FCHSD2: variants seen among roughly 807,000 people sequenced by gnomAD.
FCHSD2 encodes the protein F-BAR and double SH3 domains protein 2.
Under a neutral mutation model 108.1 loss-of-function variants are expected in FCHSD2, and 38 were observed. The ratio of observed to expected loss-of-function variants is 0.35; its 90% CI spans 0.27 to 0.46. FCHSD2 has a LOEUF of 0.46. Among genes scored for constraint, FCHSD2 ranks in the 20% least tolerant of loss-of-function variants. The probability of loss-of-function intolerance (pLI) is 1.00; values close to 1 mark genes in which losing one functional copy is unlikely to be tolerated. For synonymous variants in FCHSD2, 279 were observed against 314.7 expected, an observed-to-expected ratio of 0.89 and a Z score of 1.20; for missense variants, 751 against 897.8, an observed-to-expected ratio of 0.84 and a Z score of 2.09.
At chr11:73,003,154 C>G (rs1375403628) in intron 4 of FCHSD2, among the ~76,000 whole-genome samples, 1 of 152,154 alleles carries the variant, frequency 6.6e-6, no homozygotes, top group Non-Finnish European at 1.5e-5. Context: ...ATGAAAAGCA[C>G]AGAATTCAGT....
intron 8 of FCHSD2, among the ~76,000 whole-genome samples, chr11:72,960,766 G>A (rs1013245141): frequency 2.0e-5 from 3 of 152,028 alleles, no homozygotes; most frequent in African/African-American, 7.2e-5. Context: ...CAAGGGACAG[G>A]GCATAATAAA....
At chr11:72,863,065 G>A (rs1854636229) in intron 13 of FCHSD2, among the ~76,000 whole-genome samples, 1 of 152,020 alleles carries the variant, frequency 6.6e-6, no homozygotes, top group African/African-American at 2.4e-5. Context: ...TAGGACCGCA[G>A]GAATGTACCA....
intron 2 of FCHSD2, among the ~76,000 whole-genome samples, chr11:73,128,720 T>C (rs1279556549): frequency 1.3e-5 from 2 of 152,198 alleles, no homozygotes; most frequent in Non-Finnish European, 1.5e-5. Flanking sequence ...GGAGAATCAT[T>C]ACCAACATAC....
intron 2 of FCHSD2, among the ~76,000 whole-genome samples, chr11:73,132,411 A>G (rs1308807658): frequency 2.0e-5 from 3 of 152,234 alleles, no homozygotes; most frequent in African/African-American, 7.2e-5. Context: ...CAGAAAAGCT[A>G]AGCCACTTGT....
chr11:73,039,954 C>A (rs938248309), intron 3 of FCHSD2, among the ~76,000 whole-genome samples: 4 of 151,912 alleles, frequency 2.6e-5, no homozygotes, highest in African/African-American at 9.7e-5. Flanking sequence ...TAAAACTATA[C>A]CAAAGATGAT....
intron 12 of FCHSD2, among the ~76,000 whole-genome samples, chr11:72,883,971 T>A (rs1486918467): frequency 6.6e-6 from 1 of 150,756 alleles, no homozygotes; most frequent in African/African-American, 2.4e-5. Context: ...GAGGTCATAA[T>A]AATACCCAAG....
At chr11:72,900,312 T>C (rs1474955476) in intron 10 of FCHSD2, 5 of 1,550,186 alleles carry the variant, frequency 3.2e-6, no homozygotes, top group South Asian at 1.2e-5. Flanking sequence ...ATCCACCAGT[T>C]GGGCGGCTTT....
intron 8 of FCHSD2, among the ~76,000 whole-genome samples, chr11:72,938,018 T>C (rs1183464094): frequency 6.6e-6 from 1 of 152,194 alleles, no homozygotes; most frequent in African/African-American, 2.4e-5. Context: ...CTAAGGAGTA[T>C]GTCTAAGAAG....
chr11:73,070,102 C>G (rs541873159), intron 3 of FCHSD2, among the ~76,000 whole-genome samples: 1 of 152,292 alleles, frequency 6.6e-6, no homozygotes, highest in Non-Finnish European at 1.5e-5. Flanking sequence ...TTATCAGTAA[C>G]AAGAATTTCA....
intron 8 of FCHSD2, among the ~76,000 whole-genome samples, chr11:72,932,520 T>G (rs768710436): frequency 2.6e-5 from 4 of 152,208 alleles, no homozygotes; most frequent in Non-Finnish European, 4.4e-5. Flanking sequence ...CAATGCAGTT[T>G]TTGGCTTCTC....
chr11:72,841,092 C>G (rs1186885653), intron 18 of FCHSD2, 133 bp from the exon 19 acceptor site: 1 of 696,880 alleles, frequency 1.4e-6, no homozygotes, highest in Non-Finnish European at 2.5e-6. Context: ...TACTTGAGGC[C>G]AGAAGTTCAA....
intron 12 of FCHSD2, among the ~76,000 whole-genome samples, chr11:72,878,880 G>A (rs1373339632): frequency 6.6e-6 from 1 of 152,094 alleles, no homozygotes; most frequent in African/African-American, 2.4e-5. Context: ...GCCGAGGCGG[G>A]CAGATCACTT....
intron 3 of FCHSD2, among the ~76,000 whole-genome samples, chr11:73,047,361 T>G (rs909738942): frequency 6.6e-6 from 1 of 152,136 alleles, no homozygotes; most frequent in African/African-American, 2.4e-5. Context: ...TGCATCTTAT[T>G]CAAGGTTATA....
chr11:72,871,837 C>T (rs1854865843), intron 12 of FCHSD2, among the ~76,000 whole-genome samples: 2 of 150,282 alleles, frequency 1.3e-5, no homozygotes, highest in Non-Finnish European at 2.9e-5. Flanking sequence ...AGCAATCCTC[C>T]TATCTTGGCC....
At chr11:73,053,321 T>C (rs1331253092) in intron 3 of FCHSD2, among the ~76,000 whole-genome samples, 3 of 152,088 alleles carry the variant, frequency 2.0e-5, no homozygotes, top group Non-Finnish European at 4.4e-5. Flanking sequence ...AACCTATTCA[T>C]TGAGAGATAA....
chr11:73,139,729 T>C (rs1193024711), intron 2 of FCHSD2, among the ~76,000 whole-genome samples: 3 of 152,246 alleles, frequency 2.0e-5, no homozygotes, highest in African/African-American at 7.2e-5. Flanking sequence ...AATAAAATGA[T>C]TGTTACAATT....
At position 72,988,953 on chromosome 11, in the gene FCHSD2, A is replaced by G. The variant is rs1253548766; in HGVS notation, c.521+11T>C. On this transcript the variant is annotated intron_variant, in intron 6 of 19. Coordinates refer to ENST00000409418, the MANE Select transcript of FCHSD2 (RefSeq NM_014824.3). The stretch of plus-strand genomic sequence containing the variant: ...GCATAATAATTTTCTCAGAAATGTT[A>G]AAACACATACTTTGCCTCGATGTCA... 17 of 1,594,704 alleles carry G rather than the reference A, an allele frequency of 1.1e-5. No homozygotes were observed. The highest frequency in any genetic ancestry group is 1.4e-5 in the Non-Finnish European group (16 of 1,171,398).
chr11:72,981,594 C>T (rs1472351745), intron 8 of FCHSD2, among the ~76,000 whole-genome samples: 3 of 152,112 alleles, frequency 2.0e-5, no homozygotes, highest in Non-Finnish European at 4.4e-5. Flanking sequence ...ACCTTAAGTG[C>T]GAGCTGTGCT....
At chr11:73,105,727 T>C (rs879931392) in intron 2 of FCHSD2, among the ~76,000 whole-genome samples, 5 of 152,324 alleles carry the variant, frequency 3.3e-5, no homozygotes, top group Admixed American at 6.5e-5. Context: ...TCTTACATAA[T>C]TGTGTTAATA....
Sources: gnomAD v4.1 joint callset for allele counts (sites outside exome capture counted in the v4.1 genomes callset) on GRCh38, gnomAD v4.1.1 for gene constraint, MANE v1.5 for transcripts, NCBI Gene and HGNC (gene_info 2026-07-23, HGNC 2026-07-21) for gene names.